PSME4: variants seen among roughly 807,000 people sequenced by gnomAD.
The protein encoded by PSME4 is proteasome activator complex subunit 4.
In PSME4, 89 loss-of-function variants were observed where a neutral mutation model predicts 253.9. The ratio of observed to expected loss-of-function variants is 0.35; its 90% CI spans 0.30 to 0.42. The LOEUF is 0.42. Among genes scored for constraint, PSME4 ranks in the 10% least tolerant of loss-of-function variants. The pLI is 1.00. For missense variants in PSME4, 2,014 were observed against 2,195.2 expected, an observed-to-expected ratio of 0.92 and a Z score of 1.65; for synonymous variants, 851 against 759.2, an observed-to-expected ratio of 1.12 and a Z score of -1.99.
intron 1 of PSME4, among the ~76,000 whole-genome samples, chr2:53,960,528 C>T (rs764713558): frequency 1.3e-5 from 2 of 151,956 alleles, no homozygotes; most frequent in African/African-American, 2.4e-5. Context: ...TGCTTTGCAA[C>T]TAACATAATC....
chr2:53,942,497 T>A (rs1365374352), intron 3 of PSME4, among the ~76,000 whole-genome samples: 3 of 152,108 alleles, frequency 2.0e-5, no homozygotes, highest in Non-Finnish European at 4.4e-5. Context: ...ATATAATGGT[T>A]TACAGTTTGG....
At chr2:53,933,997 G>C (rs1001795208) in intron 8 of PSME4, among the ~76,000 whole-genome samples, 3 of 152,136 alleles carry the variant, frequency 2.0e-5, no homozygotes, top group African/African-American at 2.4e-5. Context: ...ACAGAAACAA[G>C]CTAACGTGTA....
intron 2 of PSME4, among the ~76,000 whole-genome samples, chr2:53,948,799 T>C (rs1224597211): frequency 6.6e-6 from 1 of 152,232 alleles, no homozygotes; most frequent in African/African-American, 2.4e-5. Flanking sequence ...AATTTCATGT[T>C]TTCCCACACT....
chr2:53,919,158 T>A lies in PSME4; in HGVS notation c.2509A>T (p.Thr837Ser). ...LLPPLKGEPVTNLVPSMVSLE... is the reference protein window; with the variant it reads ...LLPPLKGEPVSNLVPSMVSLE... ...ACAGTTATTTTTACTTACAAGTTAG[T>A]AACTGGCTCTCCTTTCAACGGAGGT... Residue 837 changes from threonine to serine, a missense_variant, in exon 20 of 47, where the codon ACT becomes TCT. Thr to Ser is a moderately conservative substitution (Grantham distance 58). Around this residue, in one of 4 missense-constraint regions of PSME4, gnomAD observed 989 missense variants for 1,021.1 expected, o/e 0.97. Coordinates refer to ENST00000404125, the MANE Select transcript of PSME4 (RefSeq NM_014614.3). 1 of 1,611,688 alleles carries A rather than the reference T, an allele frequency of 6.2e-7. No homozygotes were observed. The highest frequency in any genetic ancestry group is 2.2e-5 in the East Asian group (1 of 44,750).
intron 7 of PSME4, among the ~76,000 whole-genome samples, chr2:53,935,158 T>G (rs1442127051): frequency 1.3e-5 from 2 of 152,246 alleles, no homozygotes; most frequent in East Asian, 3.8e-4. Flanking sequence ...TCTAGCAGAA[T>G]GCTTTCCCTT....
At position 53,920,349 on chromosome 2, in the gene PSME4, T is replaced by G. The variant is rs761273645; in HGVS notation, c.2264A>C (p.Asp755Ala). The change falls in exon 19 of 47, where the codon GAC becomes GCC. Residue 755 changes from aspartate to alanine, a missense_variant and splice_region_variant. Around this residue, in one of 4 missense-constraint regions of PSME4, gnomAD observed 989 missense variants for 1,021.1 expected, o/e 0.97. Coordinates refer to ENST00000404125, the MANE Select transcript of PSME4 (RefSeq NM_014614.3). ...KPPSEYFPIK[D>A]WGKPGDLWNL... Reference sequence around the variant, plus strand: ...CCACAAGTCCCCGGGTTTGCCCCAGTCCTAGAAGAGAACAGCATCTACTCA... The same window carrying G: ...CCACAAGTCCCCGGGTTTGCCCCAGGCCTAGAAGAGAACAGCATCTACTCA... 6 of 1,608,402 alleles carry G rather than the reference T, an allele frequency of 3.7e-6. No individual in the cohort carries two copies. In the East Asian group the frequency reaches 1.3e-4, roughly 36 times the overall value.
At chr2:53,925,929 G>T in intron 13 of PSME4, 30 bp downstream of exon 13, 1 of 1,582,890 alleles carries the variant, frequency 6.3e-7, no homozygotes, top group Non-Finnish European at 8.7e-7. Context: ...TAGAATTTCA[G>T]CTAAACGTTG....
In PSME4 at chr2:53,864,702, A is replaced by AT. The variant is rs1678486551; in HGVS notation, c.*875_*876insA. The AT allele has an allele frequency of 6.6e-6, 1 of 152,650 alleles. No homozygotes were observed. The highest frequency in any genetic ancestry group is 2.4e-5 in the African/African-American group (1 of 41,452). 9.5% of individuals were successfully genotyped at this position (152,650 alleles called of 1,614,324 possible). On this transcript the variant is annotated 3_prime_UTR_variant, in exon 47 of 47. Transcript: ENST00000404125. ...AAATATTAAGCCTTATTAGTCTCTC[A>AT]ACGATTCTGCAGGCAAAATAAAAAG...
At position 53,970,965 on chromosome 2, in the gene PSME4, A is replaced by T. The variant is rs888124474; in HGVS notation, c.-181T>A. On this transcript the variant is annotated 5_prime_UTR_variant, in exon 1 of 47. Coordinates refer to ENST00000404125, the MANE Select transcript of PSME4 (RefSeq NM_014614.3). ...TGCTGCTGGGCCCCACGCGGCTCTC[A>T]GTTCGTTGGCGGCGGCAGCGGCCGC... 4.0e-6 allele frequency: 2 copies of T among 495,328 alleles called. No homozygotes were observed. Among genetic ancestry groups the T allele is most frequent in the Non-Finnish European group, 6.8e-6 (2 of 296,092 alleles). The allele number at this position is 495,328 out of a possible 1,614,324, so 30.7% of individuals were successfully genotyped here. A position where few individuals can be genotyped will look rare whatever the true frequency, so the allele number is the denominator to read the frequency against.
chr2:53,945,193 C>T (rs895137101), intron 3 of PSME4, among the ~76,000 whole-genome samples: 2 of 152,280 alleles, frequency 1.3e-5, no homozygotes, highest in East Asian at 3.9e-4. Flanking sequence ...TTGTTAGTAG[C>T]AACACCATTA....
At chr2:53,969,927 T>G (rs753081299) in intron 1 of PSME4, among the ~76,000 whole-genome samples, 39 of 150,782 alleles carry the variant, frequency 2.6e-4, no homozygotes, top group Non-Finnish European at 4.7e-4. Context: ...AAAACAACAC[T>G]GTCCACATAA....
At chr2:53,894,664 T>C (rs1247783760) in intron 34 of PSME4, among the ~76,000 whole-genome samples, 2 of 149,124 alleles carry the variant, frequency 1.3e-5, no homozygotes, top group African/African-American at 2.6e-5. Flanking sequence ...CCATAATTTA[T>C]ATGCAATAGA....
chr2:53,896,992 C>G, intron 31 of PSME4, 107 bp from the exon 32 acceptor site: 1 of 819,162 alleles, frequency 1.2e-6, no homozygotes, highest in Non-Finnish European at 2.1e-6. Context: ...TAAAAAAACA[C>G]CTCGCCTATC....
intron 42 of PSME4, among the ~76,000 whole-genome samples, chr2:53,874,954 C>A (rs1460199628): frequency 6.6e-6 from 1 of 151,928 alleles, no homozygotes; most frequent in Non-Finnish European, 1.5e-5. Flanking sequence ...AAAACAATAA[C>A]AAAAAAACCC....
chr2:53,885,577 A>G, intron 41 of PSME4, 113 bp downstream of exon 41: 1 of 670,554 alleles, frequency 1.5e-6, no homozygotes, highest in East Asian at 2.8e-5. Context: ...TCTACTTTTC[A>G]GAGATCCAAT....
intron 20 of PSME4, 80 bp from the exon 21 acceptor site, chr2:53,910,210 G>T: frequency 1.8e-6 from 2 of 1,129,966 alleles, no homozygotes; most frequent in Non-Finnish European, 2.7e-6. Flanking sequence ...TTGCTGGACT[G>T]TTTAAACCAA....
chr2:53,916,586 A>C (rs1668074475), intron 20 of PSME4, among the ~76,000 whole-genome samples: 1 of 152,224 alleles, frequency 6.6e-6, no homozygotes, highest in Non-Finnish European at 1.5e-5. Context: ...TTCGTATCAC[A>C]GAACAATGGG....
At chr2:53,952,160 G>A (rs2104479259) in intron 1 of PSME4, among the ~76,000 whole-genome samples, 1 of 152,302 alleles carries the variant, frequency 6.6e-6, no homozygotes, top group East Asian at 1.9e-4. Flanking sequence ...TACCAGCCAG[G>A]CGTGGTGGCT....
In PSME4 at chr2:53,957,786, T is replaced by C. The variant is rs143516720; in HGVS notation, c.243-8503A>G. Among the ~76,000 whole-genome samples, 3 of 152,296 alleles carry C rather than the reference T, an allele frequency of 2.0e-5. No homozygotes were observed. The East Asian group carries it at 5.8e-4, about 29-fold the overall frequency. On this transcript the variant is annotated intron_variant, in intron 1 of 46. Transcript: ENST00000404125. ...AAGTAAGACATTATGCATCTCCTGA[T>C]GACAGTATATAGTACCACTTATTGC...
Sources: allele counts gnomAD v4.1 joint callset (sites outside exome capture counted in the v4.1 genomes callset), GRCh38; gene constraint gnomAD v4.1.1; regional missense constraint gnomAD v4.1.1; transcripts MANE v1.5; gene names NCBI Gene and HGNC (gene_info 2026-07-23, HGNC 2026-07-21).